The following PRKD1 variants were observed in gnomAD, a reference collection of about 807,000 sequenced individuals.
The protein encoded by PRKD1 is serine/threonine-protein kinase D1.
PRKD1 carries 63 observed loss-of-function variants against 95.9 expected under a neutral mutation model. The ratio of observed to expected loss-of-function variants is 0.66; its 90% confidence interval spans 0.54 to 0.81. The LOEUF is 0.81. PRKD1 is among the 30% of genes least tolerant of loss of function. PRKD1 has a pLI of 0.00. For missense variants in PRKD1, 1,048 were observed against 1,165.3 expected (o/e 0.90, Z 1.47); for synonymous variants, 425 against 423.1 (o/e 1.00, Z -0.05).
At chr14:29,621,308 A>T (rs190058463) in intron 13 of PRKD1, among the ~76,000 whole-genome samples, 4 of 152,042 alleles carry the variant, frequency 2.6e-5, no homozygotes, top group African/African-American at 7.2e-5. Flanking sequence ...TAACCTGCAC[A>T]TTATGCACGT....
intron 1 of PRKD1, among the ~76,000 whole-genome samples, chr14:29,778,274 A>G (rs953617594): frequency 6.6e-6 from 1 of 152,204 alleles, no homozygotes; most frequent in African/African-American, 2.4e-5. Flanking sequence ...GAAGGCAAGA[A>G]ATAACTAAGA....
intron 1 of PRKD1, among the ~76,000 whole-genome samples, chr14:29,922,504 C>T (rs189285786): frequency 3.9e-4 from 59 of 152,218 alleles, no homozygotes; most frequent in Admixed American, 8.5e-4. Context: ...TAATCTACTA[C>T]ATATAAATTC....
At chr14:29,800,336 G>A (rs955048392) in intron 1 of PRKD1, among the ~76,000 whole-genome samples, 4 of 152,286 alleles carry the variant, frequency 2.6e-5, no homozygotes, top group South Asian at 2.1e-4. Flanking sequence ...CACTGGTTGC[G>A]TAGAGGCGTG....
chr14:29,740,281 T>C (rs1886929738), intron 1 of PRKD1, among the ~76,000 whole-genome samples: 1 of 152,206 alleles, frequency 6.6e-6, no homozygotes, highest in Non-Finnish European at 1.5e-5. Context: ...AGGCTAAATG[T>C]TTATTACTTT....
At chr14:29,659,626 T>C (rs1882082001) in intron 4 of PRKD1, among the ~76,000 whole-genome samples, 1 of 152,198 alleles carries the variant, frequency 6.6e-6, no homozygotes, top group Non-Finnish European at 1.5e-5. Context: ...TCTTCCCCAG[T>C]ACTTGTTATT....
At chr14:29,653,289 T>C (rs1049463076) in intron 4 of PRKD1, among the ~76,000 whole-genome samples, 1 of 152,194 alleles carries the variant, frequency 6.6e-6, no homozygotes, top group Non-Finnish European at 1.5e-5. Flanking sequence ...ATGATTTCTG[T>C]AAGGTGGCCT....
At chr14:29,632,093 G>C (rs1957457) in intron 9 of PRKD1, among the ~76,000 whole-genome samples, 1 of 151,956 alleles carries the variant, frequency 6.6e-6, no homozygotes, top group African/African-American at 2.4e-5. Flanking sequence ...GAGCCACTGC[G>C]CCTGGCCAAT....
rs567086713 is a variant in PRKD1 at position 29,659,679 on chromosome 14, G to C, written c.696+4020C>G. ...TGACAGACATTCTGATGTAGACATA[G>C]GTCATTACAGACTTAACTTTACAGT... On this transcript the variant is annotated intron_variant, in intron 4 of 17. Coordinates refer to ENST00000331968, the MANE Select transcript of PRKD1 (RefSeq NM_002742.3). Among the ~76,000 whole-genome samples the C allele has an allele frequency of 2.0e-5, 3 of 152,286 alleles. No homozygotes were observed. The South Asian group carries it at 6.2e-4, about 32-fold the overall frequency.
At chr14:29,628,462 A>G (rs1284093801) in intron 11 of PRKD1, among the ~76,000 whole-genome samples, 1 of 152,172 alleles carries the variant, frequency 6.6e-6, no homozygotes, top group Non-Finnish European at 1.5e-5. Flanking sequence ...ATATTTCATA[A>G]TATGTCTGAT....
chr14:29,764,698 T>C (rs988929187), intron 1 of PRKD1, among the ~76,000 whole-genome samples: 4 of 152,186 alleles, frequency 2.6e-5, no homozygotes, highest in South Asian at 2.1e-4. Context: ...GGAGCTCTCA[T>C]GATCAATTAT....
chr14:29,625,008 A>G (rs565935951), intron 12 of PRKD1, among the ~76,000 whole-genome samples: 1 of 152,334 alleles, frequency 6.6e-6, no homozygotes, highest in African/African-American at 2.4e-5. Flanking sequence ...AAAATGAATC[A>G]GAAAATAGAA....
chr14:29,910,262 C>T (rs762647366), intron 1 of PRKD1, among the ~76,000 whole-genome samples: 8 of 152,010 alleles, frequency 5.3e-5, no homozygotes, highest in Non-Finnish European at 1.0e-4. Flanking sequence ...CCAGACGCGC[C>T]GCCTTAAGAG....
chr14:29,715,011 T>C (rs1885531713), intron 2 of PRKD1, among the ~76,000 whole-genome samples: 1 of 152,064 alleles, frequency 6.6e-6, no homozygotes, highest in African/African-American at 2.4e-5. Context: ...CTAATGTAGA[T>C]GACGGGTTGA....
intron 1 of PRKD1, among the ~76,000 whole-genome samples, chr14:29,887,749 T>C (rs1893775817): frequency 6.6e-6 from 1 of 152,216 alleles, no homozygotes; most frequent in Admixed American, 6.5e-5. Flanking sequence ...GTGTTACAAT[T>C]GTCTATAGTA....
chr14:29,619,841 G>C (rs1879125148), intron 13 of PRKD1, among the ~76,000 whole-genome samples: 1 of 151,988 alleles, frequency 6.6e-6, no homozygotes. Flanking sequence ...ACTTCAAAAG[G>C]GTTTCTTTCA....
At chr14:29,800,463 A>G (rs902474305) in intron 1 of PRKD1, among the ~76,000 whole-genome samples, 3 of 152,206 alleles carry the variant, frequency 2.0e-5, no homozygotes, top group African/African-American at 7.2e-5. Context: ...TTGACAAAAA[A>G]ACTTTTATGG....
intron 1 of PRKD1, 33 bp from the exon 2 acceptor site, chr14:29,725,707 T>C (rs745559466): frequency 2.5e-6 from 4 of 1,592,510 alleles, no homozygotes; most frequent in East Asian, 4.5e-5. Flanking sequence ...AGTGTAAATG[T>C]CAAAATCCTT....
intron 1 of PRKD1, among the ~76,000 whole-genome samples, chr14:29,785,031 C>T (rs899873861): frequency 3.9e-5 from 6 of 152,128 alleles, no homozygotes; most frequent in Non-Finnish European, 8.8e-5. Flanking sequence ...GCTATAACCC[C>T]GCTCAAAAGT....
intron 2 of PRKD1, among the ~76,000 whole-genome samples, chr14:29,717,834 A>G (rs1293463607): frequency 6.6e-6 from 1 of 152,160 alleles, no homozygotes; most frequent in Admixed American, 6.6e-5. Flanking sequence ...CTTATTCCCC[A>G]GTTGACCTGG....
Sources: allele counts gnomAD v4.1 joint callset (sites outside exome capture counted in the v4.1 genomes callset), GRCh38; gene constraint gnomAD v4.1.1; transcripts MANE v1.5; gene names NCBI Gene and HGNC (gene_info 2026-07-23, HGNC 2026-07-21).